Variants in TASP1 observed in about 807,000 individuals in gnomAD.
TASP1 encodes the protein taspase 1, also known as threonine aspartase 1.
TASP1 carries 16 observed loss-of-function variants against 56.6 expected under a neutral mutation model. That is an observed-to-expected ratio of 0.28 (90% CI 0.19 to 0.43). The LOEUF (loss-of-function observed/expected upper bound fraction) is 0.43. Ranked by LOEUF, TASP1 falls within the 20% of genes least tolerant of loss-of-function variation. The pLI, the probability that TASP1 is intolerant of heterozygous loss-of-function variation, is 1.00. For synonymous variants in TASP1, 179 were observed against 184.2 expected (o/e 0.97, Z 0.23); for missense variants, 393 against 511.6 (o/e 0.77, Z 2.24).
chr20:13,627,733 TAAAA>T (rs35542097), intron 2 of TASP1, among the ~76,000 whole-genome samples: 8 of 119,520 alleles, frequency 6.7e-5, no homozygotes, highest in Non-Finnish European at 1.1e-4. Context: ...AACTTAGTCT[TAAAA>T]AAAAAAAAAA....
chr20:13,369,957 G>T, the TASP1 span, among the ~76,000 whole-genome samples: 1 of 152,190 alleles, frequency 6.6e-6, no homozygotes. Flanking sequence ...GTGGAGAAAA[G>T]AAGGTGGACT....
chr20:13,406,223 T>C (rs1302505450), intron 13 of TASP1, among the ~76,000 whole-genome samples: 2 of 152,236 alleles, frequency 1.3e-5, no homozygotes, highest in Non-Finnish European at 2.9e-5. Context: ...AAATGTCTGC[T>C]GGAATTTTTA....
At chr20:13,528,066 A>G (rs1274754860) in intron 10 of TASP1, among the ~76,000 whole-genome samples, 1 of 151,856 alleles carries the variant, frequency 6.6e-6, no homozygotes, top group Non-Finnish European at 1.5e-5. Context: ...TACTAAAAAT[A>G]CAAAAAATCA....
chr20:13,601,729 C>CT (rs1253374872), intron 4 of TASP1, among the ~76,000 whole-genome samples: 1 of 152,056 alleles, frequency 6.6e-6, no homozygotes, highest in Admixed American at 6.5e-5. Flanking sequence ...ACCCAGCAAA[C>CT]ACTACACTGT....
chr20:13,515,995 A>G (rs1291241231), intron 10 of TASP1, among the ~76,000 whole-genome samples: 1 of 152,176 alleles, frequency 6.6e-6, no homozygotes, highest in African/African-American at 2.4e-5. Context: ...TCGTATGCTC[A>G]ACCAAACCCT....
chr20:13,189,414 A>G, the TASP1 span, among the ~76,000 whole-genome samples: 1 of 152,190 alleles, frequency 6.6e-6, no homozygotes, highest in Non-Finnish European at 1.5e-5. Flanking sequence ...CATCTGACAA[A>G]GAGCTAATAT....
chr20:13,519,965 T>C (rs984495836), intron 10 of TASP1, among the ~76,000 whole-genome samples: 3 of 152,102 alleles, frequency 2.0e-5, no homozygotes, highest in South Asian at 2.1e-4. Context: ...ACAAGCATTC[T>C]TATACACCAA....
the TASP1 span, chr20:13,110,272 A>C: frequency 4.1e-6 from 6 of 1,449,952 alleles, no homozygotes; most frequent in Non-Finnish European, 3.8e-6. Context: ...CAAGCTGACC[A>C]GTGCGGAAAG....
chr20:13,299,536 C>T, the TASP1 span: 1 of 1,321,504 alleles, frequency 7.6e-7, no homozygotes, highest in Non-Finnish European at 1.0e-6. The surrounding 1 kb of genome is among the most constrained non-coding windows in gnomAD (Gnocchi z 5.8). Context: ...CCGACTGGCG[C>T]CGAGACCTTC....
chr20:13,194,271 A>AAT, the TASP1 span, among the ~76,000 whole-genome samples: 4 of 152,190 alleles, frequency 2.6e-5, no homozygotes, highest in African/African-American at 7.2e-5. Flanking sequence ...GGATTAGGAC[A>AAT]ATATGGCTCA....
the TASP1 span, among the ~76,000 whole-genome samples, chr20:13,378,574 T>C: frequency 6.6e-6 from 1 of 152,218 alleles, no homozygotes; most frequent in Non-Finnish European, 1.5e-5. Context: ...GAGAGTTCTA[T>C]AAATGTCTAT....
chr20:13,361,192 G>C, the TASP1 span, among the ~76,000 whole-genome samples: 1 of 152,114 alleles, frequency 6.6e-6, no homozygotes, highest in Non-Finnish European at 1.5e-5. Flanking sequence ...AACATGCCCT[G>C]AGTCAGATAA....
intron 4 of TASP1, among the ~76,000 whole-genome samples, chr20:13,608,298 AT>A (rs995199600): frequency 2.0e-5 from 3 of 151,796 alleles, no homozygotes; most frequent in Admixed American, 6.6e-5. Flanking sequence ...CATTTGGGGA[AT>A]TTTTTTTTGT....
chr20:13,257,630 C>T, the TASP1 span, among the ~76,000 whole-genome samples: 5 of 151,934 alleles, frequency 3.3e-5, no homozygotes, highest in South Asian at 1.0e-3. Flanking sequence ...GTTGACGAGA[C>T]CTGATTAACC....
At chr20:13,519,876 T>C (rs1054184780) in intron 10 of TASP1, among the ~76,000 whole-genome samples, 7 of 152,172 alleles carry the variant, frequency 4.6e-5, no homozygotes, top group African/African-American at 1.2e-4. Flanking sequence ...GAAAACCTCA[T>C]TGTCTCAGCC....
intron 13 of TASP1, among the ~76,000 whole-genome samples, chr20:13,416,380 G>T (rs2042254442): frequency 6.6e-6 from 1 of 152,128 alleles, no homozygotes; most frequent in Admixed American, 6.5e-5. Flanking sequence ...TGAAGCAAAG[G>T]GGGAGGGTGG....
At chr20:13,584,229 G>C (rs1051509542) in intron 5 of TASP1, among the ~76,000 whole-genome samples, 1 of 152,062 alleles carries the variant, frequency 6.6e-6, no homozygotes, top group Non-Finnish European at 1.5e-5. Flanking sequence ...CATTCAAGAG[G>C]TAAATGAAAA....
chr20:13,307,077 T>G, the TASP1 span, among the ~76,000 whole-genome samples: 7 of 152,184 alleles, frequency 4.6e-5, no homozygotes, highest in African/African-American at 1.4e-4. Context: ...AGATAAAGGC[T>G]TGTTCACACT....
chr20:13,349,683 T>C, the TASP1 span, among the ~76,000 whole-genome samples: 1 of 152,198 alleles, frequency 6.6e-6, no homozygotes, highest in African/African-American at 2.4e-5. Context: ...TCCATTCACA[T>C]ATAACATGAT....
Sources: gnomAD v4.1 joint callset for allele counts (sites outside exome capture counted in the v4.1 genomes callset) on GRCh38, gnomAD v4.1.1 for gene constraint, Gnocchi (gnomAD v3.1) non-coding constraint, MANE v1.5 for transcripts, NCBI Gene and HGNC (gene_info 2026-07-23, HGNC 2026-07-21) for gene names.